Variants in GNAO1 observed in about 807,000 individuals in gnomAD.
GNAO1 encodes guanine nucleotide-binding protein G(o) subunit alpha.
For missense variants in GNAO1, 166 were observed against 478.7 expected, an observed-to-expected ratio of 0.35 and a Z score of 6.10; for synonymous variants, 164 against 180.7, an observed-to-expected ratio of 0.91 and a Z score of 0.74.
In GNAO1 at chr16:56,265,124, G is replaced by A. The variant is rs539246465; in HGVS notation, c.162-10807G>A. 5.9e-4 allele frequency among the ~76,000 whole-genome samples: 90 copies of A among 152,188 alleles called. 2 individuals carry two copies. Among genetic ancestry groups the A allele is most frequent in the South Asian group, 2.1e-4 (1 of 4,826 alleles). On this transcript the variant is annotated intron_variant, in intron 2 of 8. Coordinates refer to ENST00000262493, the MANE Select transcript of GNAO1 (RefSeq NM_020988.3). The stretch of plus-strand genomic sequence containing the variant: ...CGTGGTCAGACAAGCCCCCCAGCCC[G>A]AGCAGCTGAATCTGAAGCTGGAAAG...
At chr16:56,258,849 A>G (rs2036877454) in intron 2 of GNAO1, among the ~76,000 whole-genome samples, 1 of 152,188 alleles carries the variant, frequency 6.6e-6, no homozygotes, top group South Asian at 2.1e-4. Context: ...TAGGCAGGAG[A>G]ACTTTCAGTC....
chr16:56,242,110 G>A (rs1243114143), intron 2 of GNAO1, among the ~76,000 whole-genome samples: 1 of 152,184 alleles, frequency 6.6e-6, no homozygotes, highest in Non-Finnish European at 1.5e-5. Context: ...ACATGCATTG[G>A]ACTCTCACTG....
In GNAO1 at chr16:56,354,130, C is replaced by T. The variant is rs2037947991; in HGVS notation, c.878-736C>T. On this transcript the variant is annotated intron_variant, in intron 7 of 8. Coordinates refer to ENST00000262493, the MANE Select transcript of GNAO1 (RefSeq NM_020988.3). The surrounding 1 kb of genome is among the most constrained non-coding windows in gnomAD (Gnocchi z 4.3). ...AGTGCCCACCACCCTCTTGGGCAGGCCCCTCTCCAGACTTTGTTTTCATGG... is the reference window on the plus strand; with the variant it reads ...AGTGCCCACCACCCTCTTGGGCAGGTCCCTCTCCAGACTTTGTTTTCATGG... 6.6e-6 allele frequency among the ~76,000 whole-genome samples: 1 copy of T among 152,198 alleles called. No homozygotes were observed. Among genetic ancestry groups the T allele is most frequent in the Non-Finnish European group, 1.5e-5 (1 of 68,046 alleles).
At chr16:56,232,472 A>G (rs751422548) in intron 2 of GNAO1, among the ~76,000 whole-genome samples, 6 of 152,224 alleles carry the variant, frequency 3.9e-5, no homozygotes, top group African/African-American at 1.4e-4. Context: ...GCCTGCTACA[A>G]AAACTCTTGG....
chr16:56,343,731 G>C, intron 6 of GNAO1: 1 of 1,582,244 alleles, frequency 6.3e-7, no homozygotes, highest in Non-Finnish European at 8.6e-7. Context: ...TGGGCCTCTC[G>C]CCTCACCACA....
At chr16:56,246,064 C>G (rs766759663) in intron 2 of GNAO1, among the ~76,000 whole-genome samples, 1 of 152,154 alleles carries the variant, frequency 6.6e-6, no homozygotes. Context: ...AGAAGTCAGG[C>G]CTCCCAACTC....
intron 3 of GNAO1, among the ~76,000 whole-genome samples, chr16:56,301,372 G>A (rs574926418): frequency 5.9e-5 from 9 of 152,276 alleles, no homozygotes; most frequent in South Asian, 4.1e-4. Context: ...TGGGGGAGCC[G>A]GAAGCACAGA....
At chr16:56,290,836 C>A (rs1306814150) in intron 3 of GNAO1, among the ~76,000 whole-genome samples, 2 of 152,112 alleles carry the variant, frequency 1.3e-5, no homozygotes, top group African/African-American at 4.8e-5. Context: ...AACCACTAAT[C>A]TGCTCTCTGT....
intron 2 of GNAO1, among the ~76,000 whole-genome samples, chr16:56,212,963 C>T (rs897663408): frequency 1.3e-5 from 2 of 152,218 alleles, no homozygotes; most frequent in African/African-American, 2.4e-5. Flanking sequence ...TATAAAATGA[C>T]ATGGATACAC....
intron 6 of GNAO1, chr16:56,341,103 C>G: frequency 1.2e-6 from 1 of 807,598 alleles, no homozygotes; most frequent in Middle Eastern, 3.4e-4. Context: ...AGAATCCACA[C>G]AAACGGTCCC....
intron 2 of GNAO1, among the ~76,000 whole-genome samples, chr16:56,266,326 G>A (rs1218408118): frequency 1.3e-5 from 2 of 152,206 alleles, no homozygotes; most frequent in Non-Finnish European, 2.9e-5. Context: ...AGCTCTGCCA[G>A]TCAAGGAAGC....
intron 3 of GNAO1, among the ~76,000 whole-genome samples, chr16:56,325,204 C>G (rs556123529): frequency 3.3e-5 from 5 of 152,338 alleles, no homozygotes; most frequent in Non-Finnish European, 7.3e-5. Context: ...CAGCTGGGCG[C>G]TGTGGCTCAC....
intron 2 of GNAO1, among the ~76,000 whole-genome samples, chr16:56,234,730 TC>T (rs1181172847): frequency 7.2e-5 from 11 of 151,884 alleles, no homozygotes; most frequent in Admixed American, 7.2e-4. Context: ...CCCCTCTGGT[TC>T]CCCCCCAACT....
chr16:56,280,392 G>T (rs114549936), intron 3 of GNAO1, among the ~76,000 whole-genome samples: 2,622 of 152,328 alleles, frequency 0.017, 64 homozygotes, highest in African/African-American at 0.054. Context: ...GAGGACTGGG[G>T]TCTGAGCAAG....
intron 3 of GNAO1, among the ~76,000 whole-genome samples, chr16:56,306,140 T>G (rs1319516862): frequency 6.6e-6 from 1 of 152,164 alleles, no homozygotes; most frequent in African/African-American, 2.4e-5. Context: ...CTGCTCCCTC[T>G]TTGTTGAAAG....
At chr16:56,255,224 A>G (rs1281881464) in intron 2 of GNAO1, among the ~76,000 whole-genome samples, 1 of 152,198 alleles carries the variant, frequency 6.6e-6, no homozygotes, top group Non-Finnish European at 1.5e-5. Context: ...AGGGAGGGGC[A>G]GGTGTGTGGC....
At chr16:56,222,265 T>C (rs1424192744) in intron 2 of GNAO1, among the ~76,000 whole-genome samples, 1 of 152,174 alleles carries the variant, frequency 6.6e-6, no homozygotes, top group Non-Finnish European at 1.5e-5. Flanking sequence ...TTCACAGCTC[T>C]GGAGGGCAAG....
chr16:56,199,466 G>A (rs116002488), intron 2 of GNAO1, among the ~76,000 whole-genome samples: 2 of 152,208 alleles, frequency 1.3e-5, no homozygotes, highest in Admixed American at 6.5e-5. Context: ...CAGCCCTAGC[G>A]TTCACCAGAA....
intron 6 of GNAO1, among the ~76,000 whole-genome samples, chr16:56,350,974 C>G (rs192023087): frequency 6.6e-6 from 1 of 152,192 alleles, no homozygotes; most frequent in East Asian, 1.9e-4. Flanking sequence ...CAGGTGCACA[C>G]ACATAGGCAC....
Sources: gnomAD v4.1 joint callset for allele counts (sites outside exome capture counted in the v4.1 genomes callset) on GRCh38, gnomAD v4.1.1 for gene constraint, Gnocchi (gnomAD v3.1) non-coding constraint, MANE v1.5 for transcripts, NCBI Gene and HGNC (gene_info 2026-07-23, HGNC 2026-07-21) for gene names.